The following KPNB1 variants were observed in gnomAD, a reference collection of about 807,000 sequenced individuals.
The protein encoded by KPNB1 is karyopherin subunit beta 1, also known as importin subunit beta-1.
A neutral mutation model predicts 113.0 loss-of-function variants in KPNB1; 7 were observed. The observed-to-expected ratio is 0.06, with a 90% CI of 0.04 to 0.12. KPNB1 has a LOEUF of 0.12. KPNB1 is among the 10% of genes least tolerant of loss of function. The pLI is 1.00. For missense variants in KPNB1, 400 were observed against 1,054.8 expected (o/e 0.38, Z 8.60); for synonymous variants, 363 against 378.6 (o/e 0.96, Z 0.48).
rs535994080 is a variant in KPNB1, at chr17:47,678,331, T to C, written c.2271T>C (p.Tyr757=). The part of the protein sequence containing the change: ...VDKSDYDMVD[Y]LNELRESCLE... ...AGTCAGACTATGACATGGTGGATTA[T>C]CTGAATGAGCTAAGGGAAAGCTGCT... Residue 757 remains tyrosine, a synonymous_variant, in exon 19 of 22, where the codon TAT becomes TAC. Coordinates refer to ENST00000290158, the MANE Select transcript of KPNB1 (RefSeq NM_002265.6). 3 of 1,614,136 alleles carry C rather than the reference T, an allele frequency of 1.9e-6. No individual in the cohort carries two copies. Among genetic ancestry groups the C allele is most frequent in the East Asian group, 2.2e-5 (1 of 44,882 alleles).
chr17:47,670,813 C>T lies in KPNB1; in HGVS notation c.1528C>T (p.Leu510Phe), dbSNP rs2030422020. The change falls in exon 12 of 22, where the codon CTC becomes TTC. Residue 510 changes from leucine to phenylalanine, a missense_variant. Transcript: ENST00000290158. ...SSSFELIVQK[L>F]LETTDRPDGH... ...TTCATTTGAACTCATAGTTCAGAAG[C>T]TCCTAGAGACTACAGACAGGTAACT... 6.2e-7 allele frequency: 1 copy of T among 1,608,762 alleles called. No individual in the cohort carries two copies. The highest frequency in any genetic ancestry group is 1.1e-5 in the South Asian group (1 of 90,926).
Position 47,657,076 on chromosome 17 carries a change from A to G in KPNB1, c.483+16A>G. 4 of 1,606,726 alleles carry G rather than the reference A, an allele frequency of 2.5e-6. No individual in the cohort carries two copies. In the South Asian group the frequency reaches 3.3e-5, roughly 13 times the overall value. On this transcript the variant is annotated intron_variant, in intron 4 of 21. Coordinates refer to ENST00000290158, the MANE Select transcript of KPNB1 (RefSeq NM_002265.6). ...CCAAGATATAGTAAGTGCTTGCCTAATGTATCTGGTTTATATACCTCTGAT... is the reference window on the plus strand; with the variant it reads ...CCAAGATATAGTAAGTGCTTGCCTAGTGTATCTGGTTTATATACCTCTGAT...
intron 4 of KPNB1, 125 bp downstream of exon 4, chr17:47,657,185 G>A: frequency 2.6e-6 from 2 of 780,732 alleles, no homozygotes; most frequent in Non-Finnish European, 4.3e-6. Context: ...AGTTTTGAAA[G>A]TGAGACTGAT....
Position 47,670,848 on chromosome 17 carries a change from C to T in KPNB1, c.1547+16C>T. 5 of 1,589,324 alleles carry T rather than the reference C, an allele frequency of 3.1e-6. No homozygotes were observed. The highest frequency in any genetic ancestry group is 4.3e-6 in the Non-Finnish European group (5 of 1,160,734). ...CTACAGACAGGTAACTGATATTTCA[C>T]AGAAATGAGTGACGTCTTTGCATCC... On this transcript the variant is annotated intron_variant, in intron 12 of 21. Transcript: ENST00000290158.
intron 6 of KPNB1, among the ~76,000 whole-genome samples, chr17:47,662,871 G>A (rs1452253185): frequency 1.3e-5 from 2 of 151,884 alleles, no homozygotes; most frequent in Non-Finnish European, 1.5e-5. Context: ...CAACAGGAGC[G>A]GAACTCTGTC....
intron 2 of KPNB1, 36 bp from the exon 3 acceptor site, chr17:47,652,658 G>C: frequency 6.8e-7 from 1 of 1,479,058 alleles, no homozygotes; most frequent in Non-Finnish European, 9.0e-7. Context: ...AAATTCCTAA[G>C]ATATTTTTAT....
At chr17:47,675,987 C>T (rs994020436) in intron 15 of KPNB1, among the ~76,000 whole-genome samples, 2 of 152,162 alleles carry the variant, frequency 1.3e-5, no homozygotes, top group African/African-American at 4.8e-5. Flanking sequence ...CTGGCTGTGG[C>T]TTGTTTAGCC....
intron 10 of KPNB1, 105 bp from the exon 11 acceptor site, chr17:47,669,573 G>C: frequency 1.3e-6 from 1 of 751,140 alleles, no homozygotes; most frequent in South Asian, 2.0e-5. Context: ...GTATCTTGGT[G>C]ACTTTTTTGA....
At chr17:47,656,317 C>A (rs2029902257) in intron 3 of KPNB1, among the ~76,000 whole-genome samples, 1 of 151,858 alleles carries the variant, frequency 6.6e-6, no homozygotes, top group Admixed American at 6.6e-5. Flanking sequence ...ACCTGTAATC[C>A]TAGCACTTTG....
At chr17:47,671,531 T>TATTA (rs34622766) in intron 12 of KPNB1, among the ~76,000 whole-genome samples, 5 of 150,848 alleles carry the variant, frequency 3.3e-5, no homozygotes, top group African/African-American at 7.3e-5. Context: ...TATTTTATTT[T>TATTA]ATTAATTAAT....
Position 47,665,062 on chromosome 17 carries a change from A to G in KPNB1, c.903A>G (p.Ala301=), listed in dbSNP as rs1189374038. Residue 301 remains alanine, a synonymous_variant, in exon 9 of 22, where the codon GCA becomes GCG. Transcript: ENST00000290158. ...MDLAIEASEA[A]EQGRPPEHTS... is the part of the protein sequence containing the mutation. ...TTTGCTTTGTTTCTCCTCAGGCAGC[A>G]GAACAAGGACGGCCCCCTGAGCACA... The G allele has an allele frequency of 1.2e-6, 2 of 1,613,956 alleles. No individual in the cohort carries two copies. The highest frequency in any genetic ancestry group is 1.7e-6 in the Non-Finnish European group (2 of 1,179,922).
At chr17:47,665,001 C>A in intron 8 of KPNB1, 56 bp from the exon 9 acceptor site, 1 of 1,267,974 alleles carries the variant, frequency 7.9e-7, no homozygotes, top group Non-Finnish European at 1.2e-6. Context: ...CATTGTATGC[C>A]TTTAGTATAC....
At chr17:47,652,954 G>T in intron 3 of KPNB1, 78 bp downstream of exon 3, 1 of 1,102,196 alleles carries the variant, frequency 9.1e-7, no homozygotes, top group Non-Finnish European at 1.3e-6. Context: ...CTATTTGCAT[G>T]GGATAGAGCT....
intron 9 of KPNB1, 121 bp from the exon 10 acceptor site, chr17:47,668,065 G>A: frequency 1.4e-6 from 1 of 697,056 alleles, no homozygotes; most frequent in Admixed American, 2.8e-5. Flanking sequence ...AAATATAAAG[G>A]TCTTATATTT....
At chr17:47,658,335 AATG>A (rs1567888645) in intron 4 of KPNB1, among the ~76,000 whole-genome samples, 170 bp from the exon 5 acceptor site, 1 of 152,210 alleles carries the variant, frequency 6.6e-6, no homozygotes, top group African/African-American at 2.4e-5. Flanking sequence ...GTATTAAGGG[AATG>A]ATGACAAGAA....
intron 17 of KPNB1, 35 bp from the exon 18 acceptor site, chr17:47,678,011 T>C (rs1169205192): frequency 6.3e-7 from 1 of 1,597,572 alleles, no homozygotes; most frequent in Non-Finnish European, 8.5e-7. Flanking sequence ...AAACAAGTTT[T>C]GACTTAATTC....
chr17:47,684,211 C>T lies in KPNB1; in HGVS notation c.*1807C>T, dbSNP rs1463699456. On this transcript the variant is annotated 3_prime_UTR_variant, in exon 22 of 22. Transcript: ENST00000290158. ...TATATCCTCCCTTCCATGTCCAAGCCTTCCATTCCTAAGTGGGATTGGCTC... is the reference window on the plus strand; with the variant it reads ...TATATCCTCCCTTCCATGTCCAAGCTTTCCATTCCTAAGTGGGATTGGCTC... 2 of 152,216 alleles carry T rather than the reference C, an allele frequency of 1.3e-5. No homozygotes were observed. The highest frequency in any genetic ancestry group is 3.9e-4 in the East Asian group (2 of 5,164). The allele number at this position is 152,216 out of a possible 1,614,324, so 9.4% of individuals were successfully genotyped here. A position where few individuals can be genotyped will look rare whatever the true frequency, so the allele number is the denominator to read the frequency against.
At chr17:47,673,441 A>C in intron 13 of KPNB1, 49 bp from the exon 14 acceptor site, 1 of 1,489,340 alleles carries the variant, frequency 6.7e-7, no homozygotes, top group Non-Finnish European at 9.4e-7. Context: ...TGGTCCCAGC[A>C]AAAGTGGAAG....
intron 12 of KPNB1, among the ~76,000 whole-genome samples, chr17:47,672,420 C>T (rs908845582): frequency 5.3e-5 from 8 of 150,818 alleles, no homozygotes; most frequent in South Asian, 2.1e-4. Context: ...TTTTCTGGGA[C>T]GGAGTTTCGG....
Sources: allele counts gnomAD v4.1 joint callset (sites outside exome capture counted in the v4.1 genomes callset), GRCh38; gene constraint gnomAD v4.1.1; transcripts MANE v1.5; gene names NCBI Gene and HGNC (gene_info 2026-07-23, HGNC 2026-07-21).